The following PAMR1 variants were observed in gnomAD, a reference collection of about 807,000 sequenced individuals.
PAMR1 encodes inactive serine protease PAMR1.
A neutral mutation model predicts 81.8 loss-of-function variants in PAMR1; 88 were observed. That is an observed-to-expected ratio of 1.08 (90% CI 0.91 to 1.28). The LOEUF is 1.28. Among genes scored for constraint, PAMR1 ranks in the 50% most tolerant of loss-of-function variants. The pLI is 0.00. For synonymous variants in PAMR1, 336 were observed against 345.3 expected, an observed-to-expected ratio of 0.97 and a Z score of 0.30; for missense variants, 935 against 919.7, an observed-to-expected ratio of 1.02 and a Z score of -0.21.
At chr11:35,525,181 G>T (rs1467276832) in intron 1 of PAMR1, among the ~76,000 whole-genome samples, 9 of 152,110 alleles carry the variant, frequency 5.9e-5, no homozygotes, top group Non-Finnish European at 1.3e-4. Flanking sequence ...GGGTAACTCA[G>T]AATTGATTCC....
Position 35,470,711 on chromosome 11 carries a change from T to C in PAMR1, c.602A>G (p.Asn201Ser). The C allele has an allele frequency of 3.7e-6, 6 of 1,614,158 alleles. No homozygotes were observed. The highest frequency in any genetic ancestry group is 5.1e-6 in the Non-Finnish European group (6 of 1,180,004). ...GCTCTGGATAGGAGCTGGCCGCTCGTTGCCACAGACACGCTTGATGATCTG... is the reference window on the plus strand; with the variant it reads ...GCTCTGGATAGGAGCTGGCCGCTCGCTGCCACAGACACGCTTGATGATCTG... ...DGQIIKRVCG[N>S]ERPAPIQSIG... The change falls in exon 5 of 11, where the codon AAC becomes AGC. Residue 201 changes from asparagine (N) to serine (S), a missense_variant. Coordinates refer to ENST00000619888, the MANE Select transcript of PAMR1 (RefSeq NM_001001991.3).
chr11:35,505,730 T>G (rs1271995720), intron 1 of PAMR1, among the ~76,000 whole-genome samples: 1 of 152,164 alleles, frequency 6.6e-6, no homozygotes, highest in African/African-American at 2.4e-5. Context: ...CCCTTCACAT[T>G]CAGTCTGTAT....
At chr11:35,495,278 G>T (rs1006829078) in intron 1 of PAMR1, among the ~76,000 whole-genome samples, 2 of 151,756 alleles carry the variant, frequency 1.3e-5, no homozygotes, top group African/African-American at 4.8e-5. Context: ...TTTTACAATG[G>T]TGAACTCATT....
intron 1 of PAMR1, among the ~76,000 whole-genome samples, chr11:35,501,568 ATTT>A (rs79169307): frequency 0.13 from 19,339 of 150,004 alleles, 1,382 homozygotes; most frequent in East Asian, 0.33. Context: ...AATTATTATT[ATTT>A]TTTTTTTACT....
chr11:35,457,285 T>C (rs1856554610), intron 6 of PAMR1, among the ~76,000 whole-genome samples: 1 of 145,858 alleles, frequency 6.9e-6, no homozygotes, highest in South Asian at 2.1e-4. Flanking sequence ...ATAATTTGGG[T>C]TATCTCTCTG....
chr11:35,525,680 GC>G, upstream of PAMR1: 1 of 1,023,156 alleles, frequency 9.8e-7, no homozygotes, highest in Non-Finnish European at 1.5e-6. Flanking sequence ...ACCTCCCCGA[GC>G]CCCAGCTGAG....
chr11:35,446,761 G>A (rs1232236027), intron 6 of PAMR1, among the ~76,000 whole-genome samples: 2 of 152,136 alleles, frequency 1.3e-5, no homozygotes, highest in South Asian at 2.1e-4. Flanking sequence ...CCAATTATAT[G>A]ATCAATTTCA....
chr11:35,436,171 G>T, intron 8 of PAMR1, 36 bp from the exon 9 acceptor site: 1 of 1,425,268 alleles, frequency 7.0e-7, no homozygotes, highest in Non-Finnish European at 9.9e-7. Context: ...GAAAGAGCAG[G>T]GTGAGAGAAA....
At chr11:35,481,856 TC>T (rs978873058) in intron 3 of PAMR1, among the ~76,000 whole-genome samples, 21 of 152,182 alleles carry the variant, frequency 1.4e-4, no homozygotes, top group African/African-American at 4.3e-4. Flanking sequence ...TCTGTTCATA[TC>T]TTTTGCCCAC....
At chr11:35,473,457 A>G (rs781155305) in intron 4 of PAMR1, among the ~76,000 whole-genome samples, 4 of 152,120 alleles carry the variant, frequency 2.6e-5, no homozygotes, top group Non-Finnish European at 4.4e-5. Flanking sequence ...TGCAGCATTT[A>G]ACACCTACCT....
At chr11:35,509,153 C>G (rs1424777672) in intron 1 of PAMR1, among the ~76,000 whole-genome samples, 1 of 152,176 alleles carries the variant, frequency 6.6e-6, no homozygotes. Context: ...GTTCCTTCCC[C>G]TCTGGTTTGA....
chr11:35,516,987 C>T (rs1303536322), intron 1 of PAMR1, among the ~76,000 whole-genome samples: 2 of 152,082 alleles, frequency 1.3e-5, no homozygotes, highest in African/African-American at 4.8e-5. Context: ...AGTGATTAGA[C>T]CCTAGACTTA....
chr11:35,474,224 A>G (rs1850242425), intron 4 of PAMR1, among the ~76,000 whole-genome samples: 1 of 152,246 alleles, frequency 6.6e-6, no homozygotes, highest in Non-Finnish European at 1.5e-5. Flanking sequence ...TGAAAGCCCC[A>G]ATTAAAGGAG....
chr11:35,461,396 G>C (rs1225379091), intron 6 of PAMR1, among the ~76,000 whole-genome samples: 2 of 152,148 alleles, frequency 1.3e-5, no homozygotes, highest in Non-Finnish European at 2.9e-5. Context: ...TATTTGGCTA[G>C]AATGCTGTCC....
intron 6 of PAMR1, among the ~76,000 whole-genome samples, chr11:35,466,361 T>A (rs1856756464): frequency 6.6e-6 from 1 of 152,146 alleles, no homozygotes; most frequent in Non-Finnish European, 1.5e-5. Context: ...ATGCTCTTAG[T>A]AGAAATCAAT....
intron 1 of PAMR1, among the ~76,000 whole-genome samples, chr11:35,523,962 CT>C (rs926096160): frequency 2.0e-5 from 3 of 152,076 alleles, no homozygotes; most frequent in African/African-American, 7.2e-5. Flanking sequence ...TTCTTTTAAA[CT>C]TTTATGGCTT....
At chr11:35,492,487 C>T (rs539508098) in intron 2 of PAMR1, among the ~76,000 whole-genome samples, 21 of 151,986 alleles carry the variant, frequency 1.4e-4, no homozygotes, top group African/African-American at 4.1e-4. Context: ...ATAAATGTTA[C>T]GTGTTTATTG....
chr11:35,489,897 C>T (rs775478539), intron 3 of PAMR1, among the ~76,000 whole-genome samples: 8 of 152,210 alleles, frequency 5.3e-5, no homozygotes, highest in Non-Finnish European at 1.0e-4. Flanking sequence ...ACTGCACTTG[C>T]AATAGCATCT....
chr11:35,523,494 T>C (rs1468747012), intron 1 of PAMR1, among the ~76,000 whole-genome samples: 1 of 152,250 alleles, frequency 6.6e-6, no homozygotes, highest in Non-Finnish European at 1.5e-5. Context: ...GGTTATCGCT[T>C]GGCCTCATGT....
Sources: gnomAD v4.1 joint callset for allele counts (sites outside exome capture counted in the v4.1 genomes callset) on GRCh38, gnomAD v4.1.1 for gene constraint, MANE v1.5 for transcripts, NCBI Gene and HGNC (gene_info 2026-07-23, HGNC 2026-07-21) for gene names.